Variants in KCTD20 observed in about 807,000 individuals in gnomAD.
KCTD20 encodes the protein BTB/POZ domain-containing protein KCTD20.
Under a neutral mutation model 39.6 loss-of-function variants are expected in KCTD20, and 30 were observed. That is an observed-to-expected ratio of 0.76 (90% CI 0.57 to 1.03). KCTD20 has a LOEUF of 1.03. KCTD20 is among the 50% of genes least tolerant of loss of function. KCTD20 has a pLI of 0.00. For synonymous variants in KCTD20, 162 were observed against 180.6 expected (o/e 0.90, Z 0.83); for missense variants, 422 against 522.0 (o/e 0.81, Z 1.87).
At chr6:36,483,558 A>C (rs1219740115) in intron 6 of KCTD20, among the ~76,000 whole-genome samples, 1 of 152,088 alleles carries the variant, frequency 6.6e-6, no homozygotes, top group Non-Finnish European at 1.5e-5. Context: ...TCTTTCACCC[A>C]GGCTGGAGAG....
intron 2 of KCTD20, among the ~76,000 whole-genome samples, chr6:36,471,451 T>C (rs1775908172): frequency 6.6e-6 from 1 of 152,208 alleles, no homozygotes. Context: ...TGGCAGAGAC[T>C]GACCACAAGC....
At chr6:36,479,024 G>T in intron 3 of KCTD20, 97 bp from the exon 4 acceptor site, 2 of 787,228 alleles carry the variant, frequency 2.5e-6, no homozygotes, top group Non-Finnish European at 4.4e-6. Context: ...ATGAGAGAGT[G>T]GGATGGAGTC....
At chr6:36,458,762 G>A (rs926191331) in intron 1 of KCTD20, among the ~76,000 whole-genome samples, 1 of 151,692 alleles carries the variant, frequency 6.6e-6, no homozygotes, top group Non-Finnish European at 1.5e-5. Context: ...AGACCAAGGC[G>A]GAAGGATGGC....
Position 36,479,589 on chromosome 6 carries a change from A to G in KCTD20, c.538-2A>G. ...CATTTTTTCTTCCTAATCTATTTAC[A>G]GGATTATTACAAAACCGGTATCATC... On this transcript the variant is annotated splice_acceptor_variant, in intron 4 of 7. Transcript: ENST00000373731. LOFTEE classifies it high-confidence loss of function. The G allele has an allele frequency of 6.2e-7, 1 of 1,603,626 alleles. No homozygotes were observed. The highest frequency in any genetic ancestry group is 8.5e-7 in the Non-Finnish European group (1 of 1,177,342).
chr6:36,477,255 C>G (rs1776090094), intron 3 of KCTD20, among the ~76,000 whole-genome samples: 1 of 152,108 alleles, frequency 6.6e-6, no homozygotes, highest in African/African-American at 2.4e-5. Flanking sequence ...CAGATCCATG[C>G]CACTACTAAA....
intron 1 of KCTD20, among the ~76,000 whole-genome samples, chr6:36,463,613 T>A (rs916090119): frequency 1.3e-5 from 2 of 152,140 alleles, no homozygotes; most frequent in African/African-American, 4.8e-5. Context: ...AGGAGGTGAT[T>A]AGGCCTTATA....
At chr6:36,485,025 G>GA (rs2127457727) in intron 7 of KCTD20, among the ~76,000 whole-genome samples, 1 of 152,250 alleles carries the variant, frequency 6.6e-6, no homozygotes, top group Non-Finnish European at 1.5e-5. Flanking sequence ...AGCAGCCACA[G>GA]AAACAAGTTC....
rs62402191 is a variant in KCTD20, at chr6:36,473,687, A to G, written c.161-1102A>G. The stretch of plus-strand genomic sequence containing the variant: ...GCTCGGGAGGCTGAGGCAGGAGAAT[A>G]GCGTGAACCTGGGAGGCGGAGCTTG... On this transcript the variant is annotated intron_variant, in intron 2 of 7. Transcript: ENST00000373731. Among the ~76,000 whole-genome samples, 355 of 152,066 alleles carry G rather than the reference A, an allele frequency of 2.3e-3. 1 individual carries two copies. Among genetic ancestry groups the G allele is most frequent in the Non-Finnish European group, 3.8e-3 (256 of 67,950 alleles).
At chr6:36,475,154 G>A (rs998927675) in intron 3 of KCTD20, 92 bp downstream of exon 3, 2 of 1,396,380 alleles carry the variant, frequency 1.4e-6, no homozygotes, top group African/African-American at 2.9e-5. Flanking sequence ...ACAGTAAAAA[G>A]TATTGTATAG....
In KCTD20 at chr6:36,481,720, G is replaced by A. The variant is rs1384103140; in HGVS notation, c.817G>A (p.Glu273Lys). The part of the protein sequence containing the change: ...LTDEDSVDWD[E>K]DHPPPMGEEY... The stretch of plus-strand genomic sequence containing the variant: ...GGATGAGGATTCTGTGGACTGGGAT[G>A]AAGACCACCCTCCACCAATGGGGGA... Residue 273 changes from glutamate (E) to lysine (K), a missense_variant, in exon 6 of 8, where the codon GAA (glutamate) becomes AAA (lysine). Physicochemically the swap from Glu to Lys is moderately conservative, Grantham distance 56 (BLOSUM62 1). Coordinates refer to ENST00000373731, the MANE Select transcript of KCTD20 (RefSeq NM_173562.5). 2 of 1,614,214 alleles carry A rather than the reference G, an allele frequency of 1.2e-6. No individual in the cohort carries two copies. The highest frequency in any genetic ancestry group is 1.3e-5 in the African/African-American group (1 of 75,058).
At position 36,491,025 on chromosome 6, in the gene KCTD20, G is replaced by T. The variant is rs1468995715; in HGVS notation, c.*3850G>T. On this transcript the variant is annotated 3_prime_UTR_variant, in exon 8 of 8. Coordinates refer to ENST00000373731, the MANE Select transcript of KCTD20 (RefSeq NM_173562.5). ...TTACATTTTCTTCTGAAGGCAAAAT[G>T]CTTGTAGGTTTTGCCTCTACTTTGT... The T allele has an allele frequency of 6.6e-6, 1 of 152,174 alleles. No homozygotes were observed. The highest frequency in any genetic ancestry group is 2.4e-5 in the African/African-American group (1 of 41,434). 9.4% of individuals were successfully genotyped at this position (152,174 alleles called of 1,614,324 possible).
intron 1 of KCTD20, among the ~76,000 whole-genome samples, chr6:36,450,487 CAA>C (rs56825740): frequency 9.0e-5 from 11 of 122,378 alleles, no homozygotes; most frequent in Admixed American, 8.4e-5. Flanking sequence ...GACTCTGTCT[CAA>C]AAAAAAAAAA....
At chr6:36,446,403 T>C (rs1425606784) in intron 1 of KCTD20, among the ~76,000 whole-genome samples, 1 of 152,218 alleles carries the variant, frequency 6.6e-6, no homozygotes, top group East Asian at 1.9e-4. Flanking sequence ...ATATGTTAAA[T>C]GCTTGAGCAA....
intron 5 of KCTD20, among the ~76,000 whole-genome samples, chr6:36,480,410 CT>C (rs550520667): frequency 0.065 from 7,908 of 121,756 alleles, 457 homozygotes; most frequent in African/African-American, 0.17. Context: ...ATGATATTGC[CT>C]TTTTTTTTTT....
chr6:36,458,151 C>G (rs968650064), intron 1 of KCTD20, among the ~76,000 whole-genome samples: 1 of 152,176 alleles, frequency 6.6e-6, no homozygotes, highest in African/African-American at 2.4e-5. Context: ...CTTCTGGACT[C>G]AAGCAGTCCT....
intron 1 of KCTD20, among the ~76,000 whole-genome samples, chr6:36,444,907 C>T (rs1582287949): frequency 6.6e-6 from 1 of 152,138 alleles, no homozygotes; most frequent in East Asian, 1.9e-4. Context: ...TCTCGTTTTC[C>T]TTAAGAAGTT....
At chr6:36,445,320 A>G (rs1036648977) in intron 1 of KCTD20, among the ~76,000 whole-genome samples, 1 of 152,090 alleles carries the variant, frequency 6.6e-6, no homozygotes, top group Non-Finnish European at 1.5e-5. Context: ...GGTAAGGACA[A>G]TAATACACGC....
Position 36,443,473 on chromosome 6 carries a change from G to A in KCTD20, c.-47+362G>A, listed in dbSNP as rs894694928. The A allele has an allele frequency of 3.3e-5, 5 of 152,302 alleles. No homozygotes were observed. In the East Asian group the frequency reaches 9.7e-4, roughly 29 times the overall value. The allele number at this position is 152,302 out of a possible 1,614,324, so 9.4% of individuals were successfully genotyped here. A position where few individuals can be genotyped will look rare whatever the true frequency, so the allele number is the denominator to read the frequency against. ...ATGGCGAGAACCTGGAGTGTTGACT[G>A]GCAAAACATTTGCAGACGCGGTTTT... On this transcript the variant is annotated intron_variant, in intron 1 of 7. Transcript: ENST00000373731.
chr6:36,448,013 GTGTATATA>G (rs1188969549), intron 1 of KCTD20, among the ~76,000 whole-genome samples: 12 of 128,944 alleles, frequency 9.3e-5, no homozygotes, highest in South Asian at 7.2e-4. Context: ...GTATGTGTGT[GTGTATATA>G]TATATATATA....
Sources: allele counts gnomAD v4.1 joint callset (sites outside exome capture counted in the v4.1 genomes callset), GRCh38; gene constraint gnomAD v4.1.1; transcripts MANE v1.5; gene names NCBI Gene and HGNC (gene_info 2026-07-23, HGNC 2026-07-21).